The following ABR variants were observed in gnomAD, a reference collection of about 807,000 sequenced individuals.
ABR encodes ABR activator of RhoGEF and GTPase.
ABR carries 35 observed loss-of-function variants against 107.2 expected under a neutral mutation model. The observed-to-expected ratio is 0.33, with a 90% CI of 0.25 to 0.43. ABR has a LOEUF of 0.43. Ranked by LOEUF, ABR falls within the 20% of genes least tolerant of loss-of-function variation. The pLI, the probability that ABR is intolerant of heterozygous loss-of-function variation, is 1.00. For synonymous variants in ABR, 498 were observed against 462.0 expected (o/e 1.08, Z -1.00); for missense variants, 815 against 1,115.2 (o/e 0.73, Z 3.83).
At chr17:1,104,232 T>C (rs1024207612) in intron 2 of ABR, among the ~76,000 whole-genome samples, 3 of 152,158 alleles carry the variant, frequency 2.0e-5, no homozygotes, top group Non-Finnish European at 4.4e-5. Flanking sequence ...CTGCACAATC[T>C]GCTAGGCTGA....
chr17:1,165,820 ACCATGTC>A (rs1405281783), intron 1 of ABR, among the ~76,000 whole-genome samples: 3 of 152,164 alleles, frequency 2.0e-5, no homozygotes, highest in Non-Finnish European at 2.9e-5. Context: ...GGCGTGGGCC[ACCATGTC>A]CAGCCCCAAA....
In ABR at chr17:1,007,233, A is replaced by C. The variant is rs201200681; in HGVS notation, c.2422T>G (p.Ser808Ala). Residue 808 changes from serine (S) to alanine (A), a missense_variant, in exon 22 of 23, where the codon TCA becomes GCA. Physicochemically the swap from Ser to Ala is moderately conservative, Grantham distance 99. Around this residue, in one of 5 missense-constraint regions of ABR, gnomAD observed 175 missense variants for 284.3 expected, o/e 0.62. Coordinates refer to ENST00000302538, the MANE Select transcript of ABR (RefSeq NM_021962.5). Reference protein sequence around the residue: ...TVFGPTLLRPSEVESKAHLTS... With the variant: ...TVFGPTLLRPAEVESKAHLTS... ...AGGTGTGCTTTGCTCTCCACTTCTG[A>C]GGGTCTCAGTAACGTGGGTCCAAAC... 1 of 1,614,056 alleles carries C rather than the reference A, an allele frequency of 6.2e-7. No homozygotes were observed. Among genetic ancestry groups the C allele is most frequent in the Non-Finnish European group, 8.5e-7 (1 of 1,179,994 alleles).
chr17:1,120,767 C>T lies in ABR; in HGVS notation c.246+4416G>A, dbSNP rs549491958. ...GGAGGAAATTCTCAGTGTCTTCACA[C>T]TACAGATGAGCAAACTGCAGCTCTG... On this transcript the variant is annotated intron_variant, in intron 2 of 22. Coordinates refer to ENST00000302538, the MANE Select transcript of ABR (RefSeq NM_021962.5). Among the ~76,000 whole-genome samples the T allele has an allele frequency of 2.0e-5, 3 of 152,324 alleles. No homozygotes were observed. In the East Asian group the frequency reaches 5.8e-4, roughly 29 times the overall value.
intron 5 of ABR, among the ~76,000 whole-genome samples, chr17:1,082,960 C>G (rs1409739045): frequency 6.6e-6 from 1 of 151,948 alleles, no homozygotes; most frequent in African/African-American, 2.4e-5. Flanking sequence ...CTCATCTCTA[C>G]TAAAAATACA....
chr17:1,101,575 C>T (rs1384951023), intron 2 of ABR, among the ~76,000 whole-genome samples: 4 of 151,994 alleles, frequency 2.6e-5, no homozygotes, highest in South Asian at 4.1e-4. Flanking sequence ...CCGCAAAACG[C>T]GAGTACTTGG....
chr17:1,196,795 T>C (rs532330994), intron 1 of ABR, among the ~76,000 whole-genome samples: 11 of 151,600 alleles, frequency 7.3e-5, no homozygotes, highest in Non-Finnish European at 1.0e-4. Context: ...CCCGGGTTCA[T>C]GCCATTCTCC....
intron 1 of ABR, among the ~76,000 whole-genome samples, chr17:1,206,092 G>A (rs533229976): frequency 6.6e-6 from 1 of 152,284 alleles, no homozygotes; most frequent in East Asian, 1.9e-4. Flanking sequence ...CTCCAGCCTG[G>A]TGACAGAAGG....
rs1002991486 is a variant in ABR at position 1,059,694 on chromosome 17, C to T, written c.1183-827G>A. 4.6e-5 allele frequency among the ~76,000 whole-genome samples: 7 copies of T among 152,312 alleles called. No individual in the cohort carries two copies. In the East Asian group the frequency reaches 9.6e-4, roughly 21 times the overall value. Reference sequence around the variant, plus strand: ...CAATGTTCCAAGTTTCTGTCTGTTTCGTAAAGGACCCCCTCCCTTTTATTA... The same window carrying T: ...CAATGTTCCAAGTTTCTGTCTGTTTTGTAAAGGACCCCCTCCCTTTTATTA... On this transcript the variant is annotated intron_variant, in intron 10 of 22. Transcript: ENST00000302538.
chr17:1,215,108 T>G (rs2042973376), intron 1 of ABR, among the ~76,000 whole-genome samples: 1 of 151,418 alleles, frequency 6.6e-6, no homozygotes, highest in African/African-American at 2.4e-5. Flanking sequence ...TAGTCCCAAC[T>G]ACTCAGGAGG....
chr17:1,012,807 G>T lies in ABR; in HGVS notation c.1852-10C>A. The T allele has an allele frequency of 1.3e-6, 2 of 1,561,854 alleles. No homozygotes were observed. The highest frequency in any genetic ancestry group is 2.3e-5 in the East Asian group (1 of 42,844). On this transcript the variant is annotated splice_polypyrimidine_tract_variant and intron_variant, in intron 17 of 22. Transcript: ENST00000302538. ...AAAATTCCACTTTGATCTGGTTGGG[G>T]GGTGAGGCAGGTAAAGATTCCCCAG... is the stretch of plus-strand genomic sequence containing the variant.
chr17:1,170,526 T>C (rs2041668449), intron 1 of ABR, among the ~76,000 whole-genome samples: 2 of 152,222 alleles, frequency 1.3e-5, no homozygotes, highest in African/African-American at 4.8e-5. Flanking sequence ...AACCTCCGCC[T>C]CCCGGATTCA....
At chr17:1,220,997 GT>G (rs2043110856) in intron 1 of ABR, among the ~76,000 whole-genome samples, 1 of 151,924 alleles carries the variant, frequency 6.6e-6, no homozygotes, top group Admixed American at 6.6e-5. Flanking sequence ...CCGTGGCTCC[GT>G]TGTTATTTGT....
At chr17:1,140,281 G>A (rs926235299) in intron 1 of ABR, among the ~76,000 whole-genome samples, 4 of 152,184 alleles carry the variant, frequency 2.6e-5, no homozygotes, top group Admixed American at 1.3e-4. Flanking sequence ...AGCTGGTTCC[G>A]GGGGAACAGA....
At chr17:1,076,731 G>GGC (rs2035763519) in intron 6 of ABR, among the ~76,000 whole-genome samples, 1 of 135,822 alleles carries the variant, frequency 7.4e-6, no homozygotes, top group African/African-American at 3.0e-5. Flanking sequence ...GGTGGGGGTG[G>GGC]GGGGGGTGGC....
intron 10 of ABR, among the ~76,000 whole-genome samples, chr17:1,060,660 T>A (rs140957425): frequency 5.3e-4 from 80 of 152,104 alleles, no homozygotes; most frequent in African/African-American, 1.9e-3. Flanking sequence ...AGTATTATAT[T>A]GGGGATTAGA....
intron 7 of ABR, 144 bp downstream of exon 7, chr17:1,073,481 G>A (rs955046382): frequency 1.2e-4 from 72 of 615,508 alleles, no homozygotes; most frequent in African/African-American, 4.5e-4. Flanking sequence ...TGGATACCGC[G>A]GGCCAGACAG....
intron 2 of ABR, among the ~76,000 whole-genome samples, chr17:1,114,530 T>C (rs2038893324): frequency 6.6e-6 from 1 of 151,796 alleles, no homozygotes; most frequent in Admixed American, 6.6e-5. Flanking sequence ...CCCAGCACTT[T>C]GGGAGGCTGA....
At chr17:1,195,366 G>A in intron 1 of ABR, among the ~76,000 whole-genome samples, 1 of 150,978 alleles carries the variant, frequency 6.6e-6, no homozygotes, top group East Asian at 2.1e-4. Flanking sequence ...CAAGTGCTGG[G>A]ATTACAGGCG....
chr17:1,110,089 T>A (rs2038579556), intron 2 of ABR, among the ~76,000 whole-genome samples: 1 of 146,268 alleles, frequency 6.8e-6, no homozygotes, highest in Non-Finnish European at 1.5e-5. Flanking sequence ...CAGGGAGCCA[T>A]CCTGCAAGGG....
Sources: gnomAD v4.1 joint callset for allele counts (sites outside exome capture counted in the v4.1 genomes callset) on GRCh38, gnomAD v4.1.1 for gene constraint, gnomAD v4.1.1 regional missense constraint, MANE v1.5 for transcripts, NCBI Gene and HGNC (gene_info 2026-07-23, HGNC 2026-07-21) for gene names.